The following EXOC4 variants were observed in gnomAD, a reference collection of about 807,000 sequenced individuals.
EXOC4 encodes the protein exocyst complex component 4.
A neutral mutation model predicts 107.2 loss-of-function variants in EXOC4; 71 were observed. The observed-to-expected ratio is 0.66, with a 90% confidence interval of 0.55 to 0.81. The LOEUF (loss-of-function observed/expected upper bound fraction) is 0.81, where lower values mean the gene tolerates loss of function less well. Ranked by LOEUF, EXOC4 falls within the 30% of genes least tolerant of loss-of-function variation. The pLI, the probability that EXOC4 is intolerant of heterozygous loss-of-function variation, is 0.00. For synonymous variants in EXOC4, 456 were observed against 441.2 expected (o/e 1.03, Z -0.42); for missense variants, 1,108 against 1,189.6 (o/e 0.93, Z 1.01).
intron 7 of EXOC4, among the ~76,000 whole-genome samples, chr7:133,435,314 A>G (rs1797944334): frequency 6.6e-6 from 1 of 151,716 alleles, no homozygotes; most frequent in African/African-American, 2.4e-5. Flanking sequence ...ATACTTGTTC[A>G]CTCTTCATAC....
chr7:133,802,917 A>G (rs1796982270), intron 10 of EXOC4, among the ~76,000 whole-genome samples: 1 of 151,634 alleles, frequency 6.6e-6, no homozygotes, highest in Non-Finnish European at 1.5e-5. Context: ...AGAAGAACTT[A>G]TTATATTGCT....
At position 133,739,222 on chromosome 7, in the gene EXOC4, T is replaced by TG. The variant is rs1795510845; in HGVS notation, c.1515-78103_1515-78102insG. ...CTTACAGAAGCACATGTAGAGGGGT[T>TG]TGTGTGTGTGTGTGTGTGTGTGTGT... On this transcript the variant is annotated intron_variant, in intron 10 of 17. Coordinates refer to ENST00000253861, the MANE Select transcript of EXOC4 (RefSeq NM_021807.4). 6.0e-3 allele frequency among the ~76,000 whole-genome samples: 853 copies of TG among 142,406 alleles called. 6 individuals are homozygous for TG. The highest frequency in any genetic ancestry group is 0.017 in the South Asian group (75 of 4,296). The allele number at this position is 142,406 out of a possible 152,430, so 93.4% of individuals were successfully genotyped here. A position where few individuals can be genotyped will look rare whatever the true frequency, so the allele number is the denominator to read the frequency against.
At chr7:133,700,849 T>G (rs1794641615) in intron 10 of EXOC4, among the ~76,000 whole-genome samples, 2 of 152,166 alleles carry the variant, frequency 1.3e-5, no homozygotes, top group African/African-American at 4.8e-5. Flanking sequence ...TCTCTGATAG[T>G]CAGTATTAAC....
At chr7:134,025,519 A>C (rs1018812409) in intron 17 of EXOC4, among the ~76,000 whole-genome samples, 1 of 152,170 alleles carries the variant, frequency 6.6e-6, no homozygotes, top group Non-Finnish European at 1.5e-5. Context: ...TCTTCTCTGG[A>C]CTGCCTTGGG....
intron 10 of EXOC4, among the ~76,000 whole-genome samples, chr7:133,681,817 C>T (rs370862513): frequency 4.6e-5 from 7 of 151,772 alleles, no homozygotes; most frequent in East Asian, 3.9e-4. Context: ...ATCGGTTGTA[C>T]GTTTTAGTTG....
chr7:134,031,214 A>T (rs1795263640), intron 17 of EXOC4, among the ~76,000 whole-genome samples: 1 of 152,222 alleles, frequency 6.6e-6, no homozygotes, highest in African/African-American at 2.4e-5. Context: ...ATATATCTGT[A>T]AATAGATTAA....
At chr7:133,650,532 T>G (rs1803117695) in intron 10 of EXOC4, among the ~76,000 whole-genome samples, 1 of 152,194 alleles carries the variant, frequency 6.6e-6, no homozygotes, top group Non-Finnish European at 1.5e-5. Context: ...GGTGTGTGTT[T>G]ATGTCTGTAT....
intron 10 of EXOC4, among the ~76,000 whole-genome samples, chr7:133,758,758 C>G (rs1795969962): frequency 6.6e-6 from 1 of 152,076 alleles, no homozygotes; most frequent in South Asian, 2.1e-4. Flanking sequence ...TTTTTCTTGC[C>G]AGACAACCAG....
intron 11 of EXOC4, among the ~76,000 whole-genome samples, chr7:133,835,797 C>T (rs1797906983): frequency 1.3e-5 from 2 of 152,090 alleles, no homozygotes; most frequent in Non-Finnish European, 2.9e-5. Context: ...TTTATGGAGT[C>T]ATTTTATAGA....
chr7:133,283,549 A>T (rs1314536982), intron 2 of EXOC4, among the ~76,000 whole-genome samples: 1 of 152,122 alleles, frequency 6.6e-6, no homozygotes, highest in Non-Finnish European at 1.5e-5. Context: ...AGATTGTTGG[A>T]TCATATGGTA....
intron 11 of EXOC4, among the ~76,000 whole-genome samples, chr7:133,870,636 T>G (rs1798731759): frequency 6.6e-6 from 1 of 152,200 alleles, no homozygotes; most frequent in South Asian, 2.1e-4. Flanking sequence ...AGTACAAATC[T>G]CAGTAGAACA....
chr7:133,804,071 G>A (rs2151198908), intron 10 of EXOC4, among the ~76,000 whole-genome samples: 1 of 152,262 alleles, frequency 6.6e-6, no homozygotes, highest in South Asian at 2.1e-4. Flanking sequence ...ACTCTAAAAG[G>A]CAATACTGTC....
At chr7:133,267,481 A>G (rs1376044894) in intron 1 of EXOC4, among the ~76,000 whole-genome samples, 3 of 152,156 alleles carry the variant, frequency 2.0e-5, no homozygotes, top group Admixed American at 1.3e-4. Flanking sequence ...ACTTTCTAGT[A>G]AGCTGTATTC....
chr7:133,777,875 A>G (rs762781917), intron 10 of EXOC4, among the ~76,000 whole-genome samples: 19 of 152,196 alleles, frequency 1.2e-4, no homozygotes, highest in Non-Finnish European at 2.6e-4. Flanking sequence ...ATGAATGACT[A>G]TTATCATGAG....
intron 7 of EXOC4, among the ~76,000 whole-genome samples, chr7:133,379,509 A>G (rs1187951582): frequency 6.6e-6 from 1 of 152,214 alleles, no homozygotes; most frequent in Non-Finnish European, 1.5e-5. Flanking sequence ...TACATCAGAC[A>G]TTTTTAGAAT....
chr7:133,959,793 G>A (rs1800899652), intron 14 of EXOC4, among the ~76,000 whole-genome samples: 1 of 151,882 alleles, frequency 6.6e-6, no homozygotes, highest in African/African-American at 2.4e-5. Flanking sequence ...AGGAAGTTAG[G>A]TGACAAAAAG....
At chr7:133,617,014 T>C (rs1369849921) in intron 9 of EXOC4, among the ~76,000 whole-genome samples, 2 of 152,180 alleles carry the variant, frequency 1.3e-5, no homozygotes, top group Non-Finnish European at 2.9e-5. Flanking sequence ...GTTGATAGCT[T>C]ACTTAACACC....
intron 11 of EXOC4, among the ~76,000 whole-genome samples, chr7:133,878,521 C>G (rs983515598): frequency 2.0e-5 from 3 of 152,170 alleles, no homozygotes; most frequent in Non-Finnish European, 4.4e-5. Flanking sequence ...CATATTCTAT[C>G]TCATCCATAG....
chr7:133,869,915 T>G (rs1264700423), intron 11 of EXOC4, among the ~76,000 whole-genome samples: 1 of 152,224 alleles, frequency 6.6e-6, no homozygotes, highest in Non-Finnish European at 1.5e-5. Context: ...GGAAGCTAGC[T>G]GATTTTTTGA....
Sources: gnomAD v4.1 joint callset for allele counts (sites outside exome capture counted in the v4.1 genomes callset) on GRCh38, gnomAD v4.1.1 for gene constraint, MANE v1.5 for transcripts, NCBI Gene and HGNC (gene_info 2026-07-23, HGNC 2026-07-21) for gene names.